The following PCDH11X variants were observed in gnomAD, a reference collection of about 807,000 sequenced individuals.
PCDH11X encodes the protein protocadherin 11 X-linked.
In PCDH11X, 18 loss-of-function variants were observed where a neutral mutation model predicts 53.3. That is an observed-to-expected ratio of 0.34 (90% CI 0.23 to 0.50). PCDH11X has a LOEUF of 0.50. Ranked by LOEUF, PCDH11X falls within the 20% of genes least tolerant of loss-of-function variation. The probability of loss-of-function intolerance (pLI) is 0.98; values close to 1 mark genes in which losing one functional copy is unlikely to be tolerated. For missense variants in PCDH11X, 570 were observed against 1,032.4 expected (o/e 0.55, Z 6.14); for synonymous variants, 279 against 393.3 (o/e 0.71, Z 3.44).
chrX:92,156,342 A>T lies in PCDH11X; in HGVS notation c.3034-45033A>T, dbSNP rs1294649859. On this transcript the variant is annotated intron_variant, in intron 6 of 10. Coordinates refer to ENST00000682573, the MANE Select transcript of PCDH11X (RefSeq NM_032968.5). ...TTGCACTGACTGATTCTATTGCATA[A>T]ATATCACATGATATTTATACGATGC... Among the ~76,000 whole-genome samples, 4 of 109,535 alleles carry T rather than the reference A, an allele frequency of 3.7e-5. No individual in the cohort carries two copies. In the East Asian group the frequency reaches 1.2e-3, roughly 32 times the overall value.
At chrX:92,552,123 G>T (rs1209045897) in intron 10 of PCDH11X, among the ~76,000 whole-genome samples, 5 of 99,591 alleles carry the variant, frequency 5.0e-5, no homozygotes, top group African/African-American at 7.2e-5. Flanking sequence ...CATTGAGTCT[G>T]TAGATTGCTT....
chrX:92,075,010 G>A (rs2063753551), intron 6 of PCDH11X, among the ~76,000 whole-genome samples: 1 of 110,967 alleles, frequency 9.0e-6, no homozygotes, highest in South Asian at 3.8e-4. Context: ...CACTCCATGG[G>A]TATAGAGCTC....
At chrX:91,974,033 G>T (rs1229266704) in intron 6 of PCDH11X, among the ~76,000 whole-genome samples, 1 of 111,284 alleles carries the variant, frequency 9.0e-6, no homozygotes, top group African/African-American at 3.3e-5. Context: ...TCTTTATTCT[G>T]TTTTACAGTA....
chrX:92,232,322 G>C (rs2067090636), intron 7 of PCDH11X, among the ~76,000 whole-genome samples: 1 of 111,247 alleles, frequency 9.0e-6, no homozygotes, highest in Non-Finnish European at 1.9e-5. Flanking sequence ...CAAGGACCCT[G>C]TGCGGTCTAA....
chrX:91,975,367 A>C (rs1331366416), intron 6 of PCDH11X, among the ~76,000 whole-genome samples: 1 of 112,036 alleles, frequency 8.9e-6, no homozygotes, highest in African/African-American at 3.2e-5. Context: ...ATGGATCAGG[A>C]GTTCAGTTTT....
At chrX:92,051,759 C>A (rs189655722) in intron 6 of PCDH11X, among the ~76,000 whole-genome samples, 1 of 111,118 alleles carries the variant, frequency 9.0e-6, no homozygotes, top group East Asian at 2.8e-4. Context: ...TAACTCTAGA[C>A]ATTCAGGTTA....
intron 6 of PCDH11X, among the ~76,000 whole-genome samples, chrX:92,007,957 G>A (rs1003904661): frequency 1.8e-5 from 2 of 110,761 alleles, no homozygotes; most frequent in African/African-American, 6.6e-5. Flanking sequence ...GCTAAAGCCT[G>A]GAATGGGGGG....
intron 8 of PCDH11X, among the ~76,000 whole-genome samples, chrX:92,289,493 G>T (rs1330853381): frequency 8.9e-6 from 1 of 111,744 alleles, no homozygotes; most frequent in Non-Finnish European, 1.9e-5. Flanking sequence ...ACTTATAAAT[G>T]AGTACTTACG....
At chrX:91,951,794 GA>G in intron 6 of PCDH11X, among the ~76,000 whole-genome samples, 1 of 111,451 alleles carries the variant, frequency 9.0e-6, no homozygotes, top group South Asian at 3.7e-4. Flanking sequence ...TAAGGATTTG[GA>G]AATTTCTTAC....
chrX:92,216,186 C>T (rs1456044649), intron 7 of PCDH11X, among the ~76,000 whole-genome samples: 60 of 109,235 alleles, frequency 5.5e-4, no homozygotes, highest in Admixed American at 1.3e-3. Context: ...TCACCAGCAA[C>T]GGAACAAAGC....
chrX:92,412,686 T>C (rs2071715894), intron 9 of PCDH11X, among the ~76,000 whole-genome samples: 1 of 105,926 alleles, frequency 9.4e-6, no homozygotes, highest in African/African-American at 3.4e-5. Flanking sequence ...GTACCTTCAT[T>C]TAAAGATTTG....
intron 5 of PCDH11X, among the ~76,000 whole-genome samples, chrX:91,839,443 G>A (rs1326972496): frequency 1.5e-4 from 14 of 93,285 alleles, no homozygotes; most frequent in Non-Finnish European, 2.3e-4. Flanking sequence ...GTGAAACCCC[G>A]TCTCTACTAA....
chrX:92,166,052 GA>G (rs2065726479), intron 6 of PCDH11X, among the ~76,000 whole-genome samples: 1 of 111,104 alleles, frequency 9.0e-6, no homozygotes, highest in African/African-American at 3.3e-5. Flanking sequence ...GTAAACTTAG[GA>G]AAAATCAGTC....
chrX:91,917,157 TA>T (rs1243557584), intron 6 of PCDH11X, among the ~76,000 whole-genome samples: 2 of 110,367 alleles, frequency 1.8e-5, no homozygotes, highest in Non-Finnish European at 3.8e-5. Context: ...ACAAAGGACA[TA>T]CCTCAAGGTA....
At chrX:92,080,361 C>T (rs1275587927) in intron 6 of PCDH11X, among the ~76,000 whole-genome samples, 2 of 110,832 alleles carry the variant, frequency 1.8e-5, no homozygotes, top group Non-Finnish European at 3.8e-5. Context: ...ACAGATGTCT[C>T]CAAATCATAA....
chrX:91,976,834 T>C (rs1165449880), intron 6 of PCDH11X, among the ~76,000 whole-genome samples: 1 of 112,296 alleles, frequency 8.9e-6, no homozygotes, highest in Non-Finnish European at 1.9e-5. Flanking sequence ...CATATGGTGC[T>C]TTTTACCACA....
intron 6 of PCDH11X, among the ~76,000 whole-genome samples, chrX:92,090,063 T>C (rs2064024466): frequency 9.0e-6 from 1 of 110,690 alleles, no homozygotes; most frequent in Non-Finnish European, 1.9e-5. Context: ...GTCTACATTT[T>C]GAACTACATC....
chrX:92,033,918 T>C (rs565421661), intron 6 of PCDH11X, among the ~76,000 whole-genome samples: 1 of 110,830 alleles, frequency 9.0e-6, no homozygotes, highest in African/African-American at 3.3e-5. Flanking sequence ...TTAGTAGTAC[T>C]TTTGCTGTTC....
chrX:92,029,154 G>A (rs1248235264), intron 6 of PCDH11X, among the ~76,000 whole-genome samples: 1 of 111,743 alleles, frequency 8.9e-6, no homozygotes, highest in Non-Finnish European at 1.9e-5. Flanking sequence ...ATGCACATCT[G>A]CTACAGGATA....
Sources: gnomAD v4.1 joint callset for allele counts (sites outside exome capture counted in the v4.1 genomes callset) on GRCh38, gnomAD v4.1.1 for gene constraint, MANE v1.5 for transcripts, NCBI Gene and HGNC (gene_info 2026-07-23, HGNC 2026-07-21) for gene names.